The following CNTN5 variants were observed in gnomAD, a reference collection of about 807,000 sequenced individuals.
CNTN5 encodes contactin-5.
Under a neutral mutation model 129.1 loss-of-function variants are expected in CNTN5, and 77 were observed. The observed-to-expected ratio is 0.60, with a 90% CI of 0.50 to 0.72. CNTN5 has a LOEUF of 0.72. CNTN5 is among the 30% of genes least tolerant of loss of function. CNTN5 has a pLI of 0.00. For synonymous variants in CNTN5, 509 were observed against 465.6 expected, an observed-to-expected ratio of 1.09 and a Z score of -1.20; for missense variants, 1,478 against 1,328.8, an observed-to-expected ratio of 1.11 and a Z score of -1.75.
intron 1 of CNTN5, among the ~76,000 whole-genome samples, chr11:99,073,916 G>T (rs905825086): frequency 2.0e-5 from 3 of 151,988 alleles, no homozygotes; most frequent in African/African-American, 7.3e-5. Flanking sequence ...GGGTCAAATG[G>T]TATTTCTGGT....
At chr11:99,906,546 G>T (rs1437229079) in intron 6 of CNTN5, among the ~76,000 whole-genome samples, 1 of 152,108 alleles carries the variant, frequency 6.6e-6, no homozygotes, top group African/African-American at 2.4e-5. Flanking sequence ...GATTTGGTTT[G>T]CCAATGTTTT....
At chr11:100,304,258 GA>G (rs545860143) in intron 20 of CNTN5, among the ~76,000 whole-genome samples, 5 of 149,508 alleles carry the variant, frequency 3.3e-5, no homozygotes, top group Middle Eastern at 3.4e-3. Flanking sequence ...ACAAGTAACA[GA>G]AAAAAAAAGA....
At chr11:99,179,720 A>G (rs1220065365) in intron 1 of CNTN5, among the ~76,000 whole-genome samples, 2 of 152,126 alleles carry the variant, frequency 1.3e-5, no homozygotes, top group East Asian at 1.9e-4. Context: ...TGCTGTTCAT[A>G]TTGTGTTTAA....
At chr11:100,214,446 A>G (rs1454050228) in intron 15 of CNTN5, among the ~76,000 whole-genome samples, 1 of 152,192 alleles carries the variant, frequency 6.6e-6, no homozygotes, top group Non-Finnish European at 1.5e-5. Flanking sequence ...CAGTTAAACC[A>G]GTTGGCACCA....
At position 99,607,793 on chromosome 11, in the gene CNTN5, C is replaced by G. The variant is rs566474928; in HGVS notation, c.55+51524C>G. ...CATAAAAAGATGATGAGTTCATATC[C>G]TTTGTAGGGACATGGATGAAATTGG... On this transcript the variant is annotated intron_variant, in intron 3 of 24. Coordinates refer to ENST00000524871, the MANE Select transcript of CNTN5 (RefSeq NM_014361.4). Among the ~76,000 whole-genome samples the G allele has an allele frequency of 4.7e-4, 62 of 133,044 alleles. 3 individuals are homozygous for G. Among genetic ancestry groups the G allele is most frequent in the African/African-American group, 1.4e-3 (51 of 37,662 alleles). 87.3% of individuals were successfully genotyped at this position (133,044 alleles called of 152,430 possible).
chr11:99,250,601 G>A (rs1488456664), intron 1 of CNTN5, among the ~76,000 whole-genome samples: 1 of 151,744 alleles, frequency 6.6e-6, no homozygotes, highest in Non-Finnish European at 1.5e-5. Flanking sequence ...CTTAAATTCT[G>A]ATGTACTTGT....
intron 2 of CNTN5, among the ~76,000 whole-genome samples, chr11:99,406,695 C>T (rs1942084904): frequency 6.6e-6 from 1 of 152,136 alleles, no homozygotes; most frequent in South Asian, 2.1e-4. Flanking sequence ...GAGCCAGGGA[C>T]TATAGCCAAA....
At chr11:99,586,615 T>G (rs929446538) in intron 3 of CNTN5, among the ~76,000 whole-genome samples, 2 of 152,170 alleles carry the variant, frequency 1.3e-5, no homozygotes, top group African/African-American at 4.8e-5. Flanking sequence ...AGCCAGTTAT[T>G]TTTCTTATTA....
intron 1 of CNTN5, among the ~76,000 whole-genome samples, chr11:99,136,898 A>G (rs1262841775): frequency 6.6e-6 from 1 of 152,152 alleles, no homozygotes; most frequent in East Asian, 1.9e-4. Flanking sequence ...ATCATGACTG[A>G]ATTAGACTCC....
intron 1 of CNTN5, among the ~76,000 whole-genome samples, chr11:99,084,365 G>A (rs1591165036): frequency 6.6e-6 from 1 of 152,130 alleles, no homozygotes; most frequent in Non-Finnish European, 1.5e-5. Context: ...TTGGCCCTAG[G>A]CAACTTAAGG....
chr11:99,682,585 T>C (rs1402159851), intron 3 of CNTN5, among the ~76,000 whole-genome samples: 1 of 151,886 alleles, frequency 6.6e-6, no homozygotes, highest in Non-Finnish European at 1.5e-5. Context: ...ACAGAAAGTA[T>C]ACCAAAAAAT....
intron 13 of CNTN5, among the ~76,000 whole-genome samples, chr11:100,083,944 T>G (rs1041802261): frequency 2.6e-5 from 4 of 152,126 alleles, no homozygotes; most frequent in Non-Finnish European, 5.9e-5. Context: ...AAAATAAGTC[T>G]CAACTCCCAA....
At chr11:99,432,099 T>C (rs1943393777) in intron 2 of CNTN5, among the ~76,000 whole-genome samples, 1 of 152,190 alleles carries the variant, frequency 6.6e-6, no homozygotes, top group African/African-American at 2.4e-5. Flanking sequence ...TGCTTAGGAA[T>C]AAAAGGGAAG....
At chr11:99,990,115 T>C (rs781561229) in intron 8 of CNTN5, among the ~76,000 whole-genome samples, 12 of 152,164 alleles carry the variant, frequency 7.9e-5, no homozygotes, top group Non-Finnish European at 1.5e-4. Flanking sequence ...GGTAAATATA[T>C]ATAGTTGCTT....
chr11:99,227,322 T>C lies in CNTN5; in HGVS notation c.-209-98024T>C, dbSNP rs567424869. On this transcript the variant is annotated intron_variant, in intron 1 of 24. Coordinates refer to ENST00000524871, the MANE Select transcript of CNTN5 (RefSeq NM_014361.4). ...TTGCAGTTAGCTGAGATGGCACCAC[T>C]GCACTCCAGCCTGGGGGACAGAGCG... 1.2e-3 allele frequency among the ~76,000 whole-genome samples: 178 copies of C among 150,650 alleles called. 1 individual carries two copies. The highest frequency in any genetic ancestry group is 2.1e-3 in the Non-Finnish European group (143 of 67,784).
intron 21 of CNTN5, among the ~76,000 whole-genome samples, chr11:100,336,472 A>C (rs1035624658): frequency 2.6e-5 from 4 of 152,208 alleles, no homozygotes; most frequent in Non-Finnish European, 5.9e-5. Flanking sequence ...AAGTATAATT[A>C]TTTTAAATAC....
At chr11:100,280,024 T>C (rs1950600971) in intron 18 of CNTN5, among the ~76,000 whole-genome samples, 1 of 151,658 alleles carries the variant, frequency 6.6e-6, no homozygotes, top group South Asian at 2.1e-4. Flanking sequence ...ATCATTTGTT[T>C]CAAGAAATTT....
chr11:99,662,017 A>G (rs1952612299), intron 3 of CNTN5, among the ~76,000 whole-genome samples: 1 of 152,182 alleles, frequency 6.6e-6, no homozygotes, highest in Non-Finnish European at 1.5e-5. Flanking sequence ...ATTCAGGATG[A>G]CAAGTAATAC....
chr11:100,341,518 T>A (rs1285036066), intron 23 of CNTN5, among the ~76,000 whole-genome samples: 2 of 152,194 alleles, frequency 1.3e-5, no homozygotes, highest in Non-Finnish European at 2.9e-5. Context: ...TGGCATATTC[T>A]TCCAGGAGAC....
Sources: gnomAD v4.1 joint callset for allele counts (sites outside exome capture counted in the v4.1 genomes callset) on GRCh38, gnomAD v4.1.1 for gene constraint, MANE v1.5 for transcripts, NCBI Gene and HGNC (gene_info 2026-07-23, HGNC 2026-07-21) for gene names.